HRH1: variants seen among roughly 807,000 people sequenced by gnomAD.
The protein encoded by HRH1 is histamine receptor H1.
Under a neutral mutation model 10.3 loss-of-function variants are expected in HRH1, and 6 were observed. That is an observed-to-expected ratio of 0.58 (90% CI 0.32 to 1.15). HRH1 has a LOEUF of 1.15. Among genes scored for constraint, HRH1 ranks in the 50% most tolerant of loss-of-function variants. HRH1 has a pLI of 0.05. For synonymous variants in HRH1, 242 were observed against 236.7 expected, an observed-to-expected ratio of 1.02 and a Z score of -0.21; for missense variants, 514 against 615.3, an observed-to-expected ratio of 0.84 and a Z score of 1.74.
At chr3:11,256,121 G>A (rs1311699118) in intron 1 of HRH1, among the ~76,000 whole-genome samples, 2 of 152,244 alleles carry the variant, frequency 1.3e-5, no homozygotes, top group African/African-American at 2.4e-5. Flanking sequence ...TGAGATCCCC[G>A]AGGCCGACAG....
intron 1 of HRH1, among the ~76,000 whole-genome samples, chr3:11,155,028 G>C (rs1029429976): frequency 3.3e-5 from 5 of 152,224 alleles, no homozygotes; most frequent in African/African-American, 1.2e-4. Flanking sequence ...AGGAAACTGA[G>C]GCTCGGGGAG....
intron 1 of HRH1, among the ~76,000 whole-genome samples, chr3:11,244,486 T>C (rs1939429721): frequency 6.6e-6 from 1 of 152,202 alleles, no homozygotes; most frequent in South Asian, 2.1e-4. Flanking sequence ...TGATCCTGAA[T>C]GGGCCAGGTA....
chr3:11,212,933 C>T (rs1292678875), intron 1 of HRH1, among the ~76,000 whole-genome samples: 3 of 152,174 alleles, frequency 2.0e-5, no homozygotes, highest in Non-Finnish European at 4.4e-5. Context: ...GATGTGCCCA[C>T]CCCAGGGCCT....
chr3:11,220,069 G>A lies in HRH1; in HGVS notation c.-35-38934G>A, dbSNP rs139453667. On this transcript the variant is annotated intron_variant, in intron 1 of 1. Coordinates refer to ENST00000431010, the MANE Select transcript of HRH1 (RefSeq NM_001098212.2). ...CCAGATTCTGCCTTTTGTTAGCTCC[G>A]TGACTTTTGGCAAATTACTTAAGCT... 3.0e-3 allele frequency among the ~76,000 whole-genome samples: 458 copies of A among 151,432 alleles called. 4 individuals are homozygous for A. The highest frequency in any genetic ancestry group is 0.01 in the African/African-American group (429 of 41,276).
intron 1 of HRH1, among the ~76,000 whole-genome samples, chr3:11,218,435 G>A (rs1427240265): frequency 1.3e-4 from 18 of 140,886 alleles, no homozygotes; most frequent in African/African-American, 3.9e-4. Context: ...GCAACAGAGT[G>A]AGACTCCATC....
At chr3:11,237,664 C>CTTTTTTT (rs376450222) in intron 1 of HRH1, among the ~76,000 whole-genome samples, 24 of 83,102 alleles carry the variant, frequency 2.9e-4, no homozygotes, top group Admixed American at 5.1e-4. Flanking sequence ...TTTTCTTTTC[C>CTTTTTTT]TTTTTTTTTT....
chr3:11,164,908 G>C (rs779844624), intron 1 of HRH1, among the ~76,000 whole-genome samples: 23 of 152,204 alleles, frequency 1.5e-4, no homozygotes, highest in Non-Finnish European at 1.5e-4. Flanking sequence ...CAACAGGGAA[G>C]AGTCCCAGCA....
At chr3:11,258,304 A>G (rs1939838637) in intron 1 of HRH1, among the ~76,000 whole-genome samples, 1 of 151,158 alleles carries the variant, frequency 6.6e-6, no homozygotes, top group Admixed American at 6.6e-5. Context: ...ATTATTTCCC[A>G]TAATAATAAG....
chr3:11,144,561 T>C (rs889442563), intron 1 of HRH1, among the ~76,000 whole-genome samples: 9 of 124,114 alleles, frequency 7.3e-5, no homozygotes, highest in Non-Finnish European at 1.3e-4. Flanking sequence ...AATCGTGTCT[T>C]TTGCAGCAAC....
chr3:11,206,692 C>T (rs920156121), intron 1 of HRH1, among the ~76,000 whole-genome samples: 4 of 152,218 alleles, frequency 2.6e-5, no homozygotes, highest in African/African-American at 9.6e-5. Context: ...ATACAGCTGG[C>T]AAGGGGTGCC....
intron 1 of HRH1, among the ~76,000 whole-genome samples, chr3:11,174,894 C>T (rs1937220542): frequency 6.6e-6 from 1 of 152,188 alleles, no homozygotes; most frequent in Admixed American, 6.5e-5. Context: ...CAATAGACTG[C>T]CCCTCCACCA....
chr3:11,240,383 C>A (rs1939300324), intron 1 of HRH1, among the ~76,000 whole-genome samples: 1 of 152,000 alleles, frequency 6.6e-6, no homozygotes, highest in Non-Finnish European at 1.5e-5. Flanking sequence ...CTTTTAAAAA[C>A]AGGCAGATCT....
intron 1 of HRH1, among the ~76,000 whole-genome samples, chr3:11,246,879 C>T (rs767768001): frequency 9.2e-5 from 14 of 152,104 alleles, no homozygotes; most frequent in Admixed American, 9.2e-4. Context: ...GACCCTCTCT[C>T]TACAGAAAAT....
At chr3:11,254,683 C>G (rs1211702883) in intron 1 of HRH1, among the ~76,000 whole-genome samples, 1 of 152,230 alleles carries the variant, frequency 6.6e-6, no homozygotes, top group Non-Finnish European at 1.5e-5. Flanking sequence ...ATCTGAGACC[C>G]TCCCCGGAGG....
intron 1 of HRH1, among the ~76,000 whole-genome samples, chr3:11,172,753 A>G (rs13072869): frequency 0.091 from 12,940 of 142,720 alleles, 946 homozygotes; most frequent in African/African-American, 0.22. Flanking sequence ...CCCAGGCTGA[A>G]GTGCAGTAGG....
chr3:11,256,557 T>C (rs1255429801), intron 1 of HRH1, among the ~76,000 whole-genome samples: 5 of 152,070 alleles, frequency 3.3e-5, no homozygotes, highest in Non-Finnish European at 7.4e-5. Flanking sequence ...TCCCAGCACT[T>C]TGGGAGGCTG....
chr3:11,147,854 G>A (rs1488075801), intron 1 of HRH1, among the ~76,000 whole-genome samples: 2 of 152,190 alleles, frequency 1.3e-5, no homozygotes, highest in Middle Eastern at 3.4e-3. Flanking sequence ...TTCCAGCCCT[G>A]TTTCCACGCT....
At chr3:11,183,584 T>C (rs1937397007) in intron 1 of HRH1, among the ~76,000 whole-genome samples, 1 of 152,104 alleles carries the variant, frequency 6.6e-6, no homozygotes, top group Admixed American at 6.5e-5. Context: ...CTGGTCCTGC[T>C]CTCCCCGTGG....
intron 1 of HRH1, among the ~76,000 whole-genome samples, chr3:11,230,063 G>A (rs1938999658): frequency 6.6e-6 from 1 of 152,138 alleles, no homozygotes; most frequent in Non-Finnish European, 1.5e-5. Context: ...CTTAGACCAA[G>A]TCAGCCTCCA....
Sources: allele counts gnomAD v4.1 joint callset (sites outside exome capture counted in the v4.1 genomes callset), GRCh38; gene constraint gnomAD v4.1.1; transcripts MANE v1.5; gene names NCBI Gene and HGNC (gene_info 2026-07-23, HGNC 2026-07-21).